POU2F2: variants seen among roughly 807,000 people sequenced by gnomAD.
The protein encoded by POU2F2 is POU class 2 homeobox 2.
A neutral mutation model predicts 63.5 loss-of-function variants in POU2F2; 14 were observed. That is an observed-to-expected ratio of 0.22 (90% CI 0.15 to 0.34). The LOEUF (loss-of-function observed/expected upper bound fraction) is 0.34, where lower values mean the gene tolerates loss of function less well. Among genes scored for constraint, POU2F2 ranks in the 10% least tolerant of loss-of-function variants. The pLI is 1.00. For synonymous variants in POU2F2, 306 were observed against 348.6 expected, an observed-to-expected ratio of 0.88 and a Z score of 1.36; for missense variants, 607 against 815.2, an observed-to-expected ratio of 0.74 and a Z score of 3.11.
rs1297939775 is a variant in POU2F2 at position 42,101,976 on chromosome 19, C to CA, written c.370-2156dup. ...CGGGCAACAGTATGAGACTCCATCT[C>CA]AAAAAAAAAAAAAAAAGAAAGCTGA... On this transcript the variant is annotated intron_variant, in intron 5 of 14. Transcript: ENST00000692977. Among the ~76,000 whole-genome samples the CA allele has an allele frequency of 3.4e-3, 287 of 85,112 alleles. 2 individuals carry two copies. Among genetic ancestry groups the CA allele is most frequent in the African/African-American group, 5.9e-3 (131 of 22,340 alleles). The allele number at this position is 85,112 out of a possible 152,430, so 55.8% of individuals were successfully genotyped here.
chr19:42,118,001 T>C (rs1010454566), intron 4 of POU2F2, among the ~76,000 whole-genome samples: 2 of 152,230 alleles, frequency 1.3e-5, no homozygotes, highest in Admixed American at 1.3e-4. Context: ...CACAGCTTAC[T>C]GCAGCTTCTA....
rs576209681 is a variant in POU2F2 at position 42,169,794 on chromosome 19, C to A, written c.-70+6169G>T. On this transcript the variant is annotated intron_variant, in intron 1 of 6. Transcript: ENST00000524801. This position sits in a 1 kb window ranked among gnomAD's most constrained non-coding sequence, Gnocchi z 4.3. ...TGTCGGGGTGATATAAACACATGTGCGTGTGTACCTGTGTGTCTTTCTTCC... is the reference window on the plus strand; with the variant it reads ...TGTCGGGGTGATATAAACACATGTGAGTGTGTACCTGTGTGTCTTTCTTCC... 6.6e-6 allele frequency among the ~76,000 whole-genome samples: 1 copy of A among 151,938 alleles called. No homozygotes were observed. The highest frequency in any genetic ancestry group is 1.5e-5 in the Non-Finnish European group (1 of 68,006).
chr19:42,137,128 G>A (rs2034030578), upstream of POU2F2: 1 of 152,184 alleles, frequency 6.6e-6, no homozygotes, highest in Non-Finnish European at 1.5e-5. Flanking sequence ...GAATACAGTG[G>A]TTAAAAGCAA....
Position 42,169,163 on chromosome 19 carries a change from T to TG in POU2F2, c.-70+6799dup, listed in dbSNP as rs376057061. ...TTGCTTTAGGGGGATGAGGCTAGCC[T>TG]GGGGGGTGTTTGTGTGCTATAACTC... On this transcript the variant is annotated intron_variant, in intron 1 of 6. Transcript: ENST00000524801. The surrounding 1 kb of genome is among the most constrained non-coding windows in gnomAD (Gnocchi z 4.3). Among the ~76,000 whole-genome samples, 9 of 152,194 alleles carry TG rather than the reference T, an allele frequency of 5.9e-5. No homozygotes were observed. Among genetic ancestry groups the TG allele is most frequent in the African/African-American group, 1.9e-4 (8 of 41,528 alleles).
Position 42,095,143 on chromosome 19 carries a change from G to A in POU2F2, c.1197+143C>T. On this transcript the variant is annotated intron_variant, in intron 11 of 14. Coordinates refer to ENST00000692977, the MANE Select transcript of POU2F2 (RefSeq NM_001394376.1). This position sits in a 1 kb window ranked among gnomAD's most constrained non-coding sequence, Gnocchi z 7.1. ...CTGGAAACCGTCCCTGTGTAACTGT[G>A]CCCATCTACGTGATGGCCTGTCTCC... 9.4e-7 allele frequency: 1 copy of A among 1,067,106 alleles called. No individual in the cohort carries two copies. Among genetic ancestry groups the A allele is most frequent in the Non-Finnish European group, 1.3e-6 (1 of 763,008 alleles). The allele number at this position is 1,067,106 out of a possible 1,614,324, so 66.1% of individuals were successfully genotyped here.
upstream of POU2F2, among the ~76,000 whole-genome samples, chr19:42,180,757 C>T (rs1055298092): frequency 6.6e-6 from 1 of 152,108 alleles, no homozygotes; most frequent in Non-Finnish European, 1.5e-5. Context: ...GACAGGGTCT[C>T]CCTCTGTCAC....
intron 5 of POU2F2, among the ~76,000 whole-genome samples, chr19:42,108,741 C>T (rs956435634): frequency 6.6e-6 from 1 of 152,100 alleles, no homozygotes; most frequent in South Asian, 2.1e-4. Flanking sequence ...GTGTTACGTC[C>T]GAGTCAGAGC....
Position 42,152,468 on chromosome 19 carries a change from A to C in POU2F2, c.-9+7864T>G, listed in dbSNP as rs1161579856. The C allele has an allele frequency of 6.6e-6, 1 of 151,810 alleles. No homozygotes were observed. Among genetic ancestry groups the C allele is most frequent in the Non-Finnish European group, 1.5e-5 (1 of 68,086 alleles). 9.4% of individuals were successfully genotyped at this position (151,810 alleles called of 1,614,324 possible). A position where few individuals can be genotyped will look rare whatever the true frequency, so the allele number is the denominator to read the frequency against. ...CTCTCTCTTTCTCGGCTGGCTATCG[A>C]CCGGGGCTGTGACATGGTGGATCAA... On this transcript the variant is annotated intron_variant, in intron 2 of 6. Coordinates refer to the POU2F2 transcript ENST00000524801. The surrounding 1 kb of genome is among the most constrained non-coding windows in gnomAD (Gnocchi z 4.1).
intron 2 of POU2F2, among the ~76,000 whole-genome samples, chr19:42,146,600 C>G (rs2034239387): frequency 6.6e-6 from 1 of 152,202 alleles, no homozygotes; most frequent in Non-Finnish European, 1.5e-5. Flanking sequence ...CAAATCTACT[C>G]GCTCCCTACA....
In POU2F2 at chr19:42,156,509, C is replaced by G. The variant is rs1053030743; in HGVS notation, c.-9+3823G>C. The stretch of plus-strand genomic sequence containing the variant: ...AGACCACCCTATAGGTCCCACCACA[C>G]GGCCATAGCCCACCAGCATCCCAGA... On this transcript the variant is annotated intron_variant, in intron 2 of 6. Coordinates refer to the POU2F2 transcript ENST00000524801. This position sits in a 1 kb window ranked among gnomAD's most constrained non-coding sequence, Gnocchi z 4.1. 1 of 152,958 alleles carries G rather than the reference C, an allele frequency of 6.5e-6. No individual in the cohort carries two copies. 9.5% of individuals were successfully genotyped at this position (152,958 alleles called of 1,614,324 possible).
At chr19:42,102,379 G>A (rs138563550) in intron 5 of POU2F2, among the ~76,000 whole-genome samples, 2 of 152,250 alleles carry the variant, frequency 1.3e-5, no homozygotes, top group African/African-American at 4.8e-5. Context: ...TCTAGATCTG[G>A]GTACCAGTTC....
chr19:42,128,620 G>A (rs1222810390), intron 1 of POU2F2, among the ~76,000 whole-genome samples: 1 of 152,128 alleles, frequency 6.6e-6, no homozygotes, highest in African/African-American at 2.4e-5. Context: ...GCCAAATGAC[G>A]CCTTAACAGG....
intron 1 of POU2F2, among the ~76,000 whole-genome samples, chr19:42,167,960 G>C (rs1016621493): frequency 1.3e-5 from 2 of 152,202 alleles, no homozygotes; most frequent in African/African-American, 2.4e-5. Context: ...CTGGGTGACT[G>C]GGCATGCAGC....
Position 42,087,954 on chromosome 19 carries a change from T to C in POU2F2, c.*3303A>G, listed in dbSNP as rs550559155. On this transcript the variant is annotated 3_prime_UTR_variant, in exon 15 of 15. Transcript: ENST00000692977. ...CCGGAGTCGAGACGGGGGACCAGAGTGTAAGGGGCAGATGGGGGTGGGGGG... is the reference window on the plus strand; with the variant it reads ...CCGGAGTCGAGACGGGGGACCAGAGCGTAAGGGGCAGATGGGGGTGGGGGG... 6.6e-6 allele frequency: 1 copy of C among 152,114 alleles called. No homozygotes were observed. The highest frequency in any genetic ancestry group is 2.1e-4 in the South Asian group (1 of 4,816). 9.4% of individuals were successfully genotyped at this position (152,114 alleles called of 1,614,324 possible).
intron 1 of POU2F2, among the ~76,000 whole-genome samples, chr19:42,190,875 G>T (rs2035068409): frequency 1.3e-5 from 2 of 152,046 alleles, no homozygotes; most frequent in African/African-American, 4.8e-5. Flanking sequence ...AGATGTAACG[G>T]TAAAGTGGAT....
chr19:42,134,043 C>G (rs116697829), upstream of POU2F2, among the ~76,000 whole-genome samples: 3 of 152,314 alleles, frequency 2.0e-5, no homozygotes, highest in African/African-American at 7.2e-5. Flanking sequence ...AGAGGAGATC[C>G]ACAGACCACA....
chr19:42,131,101 A>G (rs1376669868), intron 1 of POU2F2, among the ~76,000 whole-genome samples: 1 of 7,834 alleles, frequency 1.3e-4, no homozygotes, highest in African/African-American at 5.8e-4. Flanking sequence ...CCACCACCCC[A>G]GCCCTGACCC....
rs941595270 is a variant in POU2F2 at position 42,169,220 on chromosome 19, C to A, written c.-70+6743G>T. ...TGGCCCTTTCGGTCACCACGTGTGG[C>A]CTCCCTGTGGGATTTCTGAATGTGG... On this transcript the variant is annotated intron_variant, in intron 1 of 6. Coordinates refer to the POU2F2 transcript ENST00000524801. This position sits in a 1 kb window ranked among gnomAD's most constrained non-coding sequence, Gnocchi z 4.3. Among the ~76,000 whole-genome samples the A allele has an allele frequency of 2.6e-5, 4 of 152,236 alleles. No individual in the cohort carries two copies. Among genetic ancestry groups the A allele is most frequent in the Admixed American group, 2.6e-4 (4 of 15,290 alleles).
chr19:42,116,883 GGCGGCGGCGGCAGCGGCGTTA>G, intron 5 of POU2F2: 1 of 465,876 alleles, frequency 2.1e-6, no homozygotes, highest in South Asian at 1.6e-5. Context: ...CGGAGGCGGC[GGCGGCGGCGGCAGCGGCGTTA>G]GCGGCAGCGG....
Sources: gnomAD v4.1 joint callset for allele counts (sites outside exome capture counted in the v4.1 genomes callset) on GRCh38, gnomAD v4.1.1 for gene constraint, Gnocchi (gnomAD v3.1) non-coding constraint, MANE v1.5 for transcripts, NCBI Gene and HGNC (gene_info 2026-07-23, HGNC 2026-07-21) for gene names.